TPGS1: variants seen among roughly 807,000 people sequenced by gnomAD.
TPGS1 encodes the protein tubulin polyglutamylase complex subunit 1.
TPGS1 carries 18 observed loss-of-function variants against 11.9 expected under a neutral mutation model. The observed-to-expected ratio is 1.51, with a 90% CI of 1.04 to 2.24. The LOEUF (loss-of-function observed/expected upper bound fraction) is 2.24. Ranked by LOEUF, TPGS1 falls within the 30% of genes most tolerant of loss-of-function variation. The pLI is 0.00. For synonymous variants in TPGS1, 247 were observed against 218.2 expected, an observed-to-expected ratio of 1.13 and a Z score of -1.16; for missense variants, 500 against 443.0, an observed-to-expected ratio of 1.13 and a Z score of -1.16.
chr19:518,027 A>G (rs1446971508), intron 1 of TPGS1, among the ~76,000 whole-genome samples: 7 of 7,302 alleles, frequency 9.6e-4, no homozygotes, highest in East Asian at 2.8e-3. Context: ...GCTGGTGGGG[A>G]GGGGAGGCCC....
intron 1 of TPGS1, among the ~76,000 whole-genome samples, chr19:514,183 C>T (rs72618585): frequency 6.6e-6 from 1 of 152,040 alleles, no homozygotes; most frequent in Non-Finnish European, 1.5e-5. Flanking sequence ...TTACTGAGCA[C>T]CTATTGCATG....
intron 1 of TPGS1, chr19:509,420 T>G (rs907505610): frequency 6.5e-6 from 1 of 152,730 alleles, no homozygotes; most frequent in Non-Finnish European, 1.5e-5. Context: ...CGAGGGCTGC[T>G]GGAACAAATT....
Position 507,739 on chromosome 19 carries a change from C to G in TPGS1, c.233C>G (p.Ser78Trp). 1 of 1,394,366 alleles carries G rather than the reference C, an allele frequency of 7.2e-7. No individual in the cohort carries two copies. Among genetic ancestry groups the G allele is most frequent in the Non-Finnish European group, 9.3e-7 (1 of 1,072,470 alleles). The allele number at this position is 1,394,366 out of a possible 1,614,324, so 86.4% of individuals were successfully genotyped here. A position where few individuals can be genotyped will look rare whatever the true frequency, so the allele number is the denominator to read the frequency against. The change falls in exon 1 of 2, where the codon TCG (serine) becomes TGG (tryptophan). Residue 78 changes from serine (S) to tryptophan (W), a missense_variant. Transcript: ENST00000359315. ...TACTTCGAGAACATGGGCCTGCGCT[C>G]GCCTGTAAACGGCGGCGCCGGGGAG... The part of the protein sequence containing the change: ...AHYFENMGLR[S>W]PVNGGAGEPP...
rs1979055029 is a variant in TPGS1 at position 518,897 on chromosome 19, TCAA to T, written c.355_357del (p.Asn119del). 2.5e-5 allele frequency: 38 copies of T among 1,531,534 alleles called. No individual in the cohort carries two copies. Among genetic ancestry groups the T allele is most frequent in the Non-Finnish European group, 3.2e-5 (37 of 1,147,394 alleles). 94.9% of individuals were successfully genotyped at this position (1,531,534 alleles called of 1,614,324 possible). ...CGTCCCCGTCTCCGCAGGGCCGCCT[TCAA>T]CAACAACGTGAGCGTGGCCTACGAG... On this transcript the variant is annotated inframe_deletion, in exon 2 of 2. Coordinates refer to ENST00000359315, the MANE Select transcript of TPGS1 (RefSeq NM_033513.3).
chr19:515,580 A>AAG (rs1160045808), intron 1 of TPGS1, among the ~76,000 whole-genome samples: 1 of 151,428 alleles, frequency 6.6e-6, no homozygotes, highest in African/African-American at 2.4e-5. Flanking sequence ...TCTACTAAAA[A>AAG]TACAAAAATT....
intron 1 of TPGS1, chr19:508,598 G>A (rs886598579): frequency 6.6e-6 from 1 of 152,278 alleles, no homozygotes; most frequent in East Asian, 1.9e-4. Flanking sequence ...GGAGCCTGAG[G>A]TAGGCATTGT....
intron 1 of TPGS1, among the ~76,000 whole-genome samples, chr19:515,551 G>A (rs35022849): frequency 0.18 from 27,643 of 150,462 alleles, 3,571 homozygotes; most frequent in African/African-American, 0.37. Flanking sequence ...CATCCTGGCC[G>A]ACATGGTGAA....
At chr19:515,416 A>C (rs914180551) in intron 1 of TPGS1, among the ~76,000 whole-genome samples, 5 of 151,266 alleles carry the variant, frequency 3.3e-5, no homozygotes, top group African/African-American at 1.2e-4. Flanking sequence ...AAAAAAAAAA[A>C]GAAAAAATGC....
chr19:511,069 G>A (rs949444224), intron 1 of TPGS1, among the ~76,000 whole-genome samples: 11 of 152,254 alleles, frequency 7.2e-5, no homozygotes, highest in African/African-American at 2.7e-4. Context: ...ATTAACAAAT[G>A]CTCACACGCC....
intron 1 of TPGS1, among the ~76,000 whole-genome samples, chr19:518,377 G>T (rs1282956774): frequency 1.9e-5 from 2 of 103,120 alleles, no homozygotes; most frequent in Non-Finnish European, 2.1e-5. Flanking sequence ...GTTGAGTAGG[G>T]GCTGGGAAGA....
chr19:512,621 C>T (rs1320227219), intron 1 of TPGS1, among the ~76,000 whole-genome samples: 2 of 152,284 alleles, frequency 1.3e-5, no homozygotes, highest in Non-Finnish European at 2.9e-5. Flanking sequence ...CCCAGAGGCT[C>T]ACCCTCGGCG....
Position 513,889 on chromosome 19 carries a change from C to T in TPGS1, c.339-5000C>T, listed in dbSNP as rs527957186. On this transcript the variant is annotated intron_variant, in intron 1 of 1. Coordinates refer to ENST00000359315, the MANE Select transcript of TPGS1 (RefSeq NM_033513.3). Reference sequence around the variant, plus strand: ...CAGCATTTAGTGAGCACCCACTGCACACAACCCCAGCATTACTGAGCACCT... The same window carrying T: ...CAGCATTTAGTGAGCACCCACTGCATACAACCCCAGCATTACTGAGCACCT... Among the ~76,000 whole-genome samples, 10 of 151,964 alleles carry T rather than the reference C, an allele frequency of 6.6e-5. No homozygotes were observed. In the East Asian group the frequency reaches 1.7e-3, roughly 27 times the overall value.
chr19:507,805 G>T lies in TPGS1; in HGVS notation c.299G>T (p.Arg100Leu). 2 of 1,375,460 alleles carry T rather than the reference G, an allele frequency of 1.5e-6. No homozygotes were observed. Among genetic ancestry groups the T allele is most frequent in the Non-Finnish European group, 1.9e-6 (2 of 1,068,614 alleles). 85.2% of individuals were successfully genotyped at this position (1,375,460 alleles called of 1,614,324 possible). A position where few individuals can be genotyped will look rare whatever the true frequency, so the allele number is the denominator to read the frequency against. ...QLLLQQQRLG[R>L]ALWHLRLAHH... ...CTGCTGCAGCAGCAGCGCCTGGGCCGCGCGCTATGGCACCTTCGCCTGGCC... is the reference window on the plus strand; with the variant it reads ...CTGCTGCAGCAGCAGCGCCTGGGCCTCGCGCTATGGCACCTTCGCCTGGCC... The change falls in exon 1 of 2, where the codon CGC becomes CTC. Residue 100 changes from arginine to leucine, a missense_variant. Arg to Leu is a moderately radical substitution (Grantham distance 102). Transcript: ENST00000359315.
rs73919612 is a variant in TPGS1 at position 510,731 on chromosome 19, C to G, written c.338+2887C>G. ...GTGCAGCCCCGGAGGCCTCCTCAGC[C>G]ACCACGTTGCTCATCCTGGCAGCAA... On this transcript the variant is annotated intron_variant, in intron 1 of 1. Transcript: ENST00000359315. Among the ~76,000 whole-genome samples, 403 of 152,330 alleles carry G rather than the reference C, an allele frequency of 2.6e-3. 1 individual carries two copies. Among genetic ancestry groups the G allele is most frequent in the African/African-American group, 9.3e-3 (387 of 41,584 alleles).
At chr19:514,039 G>A (rs544433592) in intron 1 of TPGS1, among the ~76,000 whole-genome samples, 1 of 149,668 alleles carries the variant, frequency 6.7e-6, no homozygotes, top group Admixed American at 6.6e-5. Context: ...CACAGACCCA[G>A]CATTACTGAG....
In TPGS1 at chr19:519,462, G is replaced by GC; in HGVS notation, c.*39_*40insC. Reference sequence around the variant, plus strand: ...CGCGGATCCGGGATCTGCGCTGGGGGGTCCCCGCGTGCGGGGCGCGCGGAG... The same window carrying GC: ...CGCGGATCCGGGATCTGCGCTGGGGGCGTCCCCGCGTGCGGGGCGCGCGGAG... On this transcript the variant is annotated 3_prime_UTR_variant, in exon 2 of 2. Transcript: ENST00000359315. 8.4e-7 allele frequency: 1 copy of GC among 1,189,520 alleles called. No homozygotes were observed. Among genetic ancestry groups the GC allele is most frequent in the Non-Finnish European group, 1.0e-6 (1 of 960,018 alleles). The allele number at this position is 1,189,520 out of a possible 1,614,324, so 73.7% of individuals were successfully genotyped here. A position where few individuals can be genotyped will look rare whatever the true frequency, so the allele number is the denominator to read the frequency against.
At chr19:511,124 C>G (rs1427383431) in intron 1 of TPGS1, among the ~76,000 whole-genome samples, 1 of 152,250 alleles carries the variant, frequency 6.6e-6, no homozygotes, top group Non-Finnish European at 1.5e-5. Context: ...GGAGCCCTGG[C>G]TGGGCTCCCG....
rs753972948 is a variant in TPGS1 at position 519,004 on chromosome 19, C to T, written c.454C>T (p.Arg152Trp). 3.2e-6 allele frequency: 5 copies of T among 1,572,670 alleles called. No individual in the cohort carries two copies. Among genetic ancestry groups the T allele is most frequent in the East Asian group, 2.3e-5 (1 of 43,692 alleles). Residue 152 changes from arginine to tryptophan, a missense_variant, in exon 2 of 2, where the codon CGG becomes TGG. Transcript: ENST00000359315. Reference sequence around the variant, plus strand: ...CAGCGAGCTGCTCAGGCGCATCTGCCGGGACGGCCAAGCCCCCGAGGAGGT... The same window carrying T: ...CAGCGAGCTGCTCAGGCGCATCTGCTGGGACGGCCAAGCCCCCGAGGAGGT... ...TYSELLRRIC[R>W]DGQAPEEVVA...
In TPGS1 at chr19:519,026, A is replaced by G; in HGVS notation, c.476A>G (p.Glu159Gly). The G allele has an allele frequency of 6.4e-7, 1 of 1,559,000 alleles. No homozygotes were observed. Among genetic ancestry groups the G allele is most frequent in the Non-Finnish European group, 8.6e-7 (1 of 1,159,078 alleles). ...RICRDGQAPE[E>G]VVAPLLRKVQ... ...TGCCGGGACGGCCAAGCCCCCGAGGAGGTGGTGGCGCCGCTGCTGCGCAAG... is the reference window on the plus strand; with the variant it reads ...TGCCGGGACGGCCAAGCCCCCGAGGGGGTGGTGGCGCCGCTGCTGCGCAAG... The change falls in exon 2 of 2, where the codon GAG becomes GGG. Residue 159 changes from glutamate to glycine, a missense_variant. Coordinates refer to ENST00000359315, the MANE Select transcript of TPGS1 (RefSeq NM_033513.3).
Sources: allele counts gnomAD v4.1 joint callset (sites outside exome capture counted in the v4.1 genomes callset), GRCh38; gene constraint gnomAD v4.1.1; transcripts MANE v1.5; gene names NCBI Gene and HGNC (gene_info 2026-07-23, HGNC 2026-07-21).